The following CNTNAP2 variants were observed in gnomAD, a reference collection of about 807,000 sequenced individuals.
CNTNAP2 encodes the protein contactin associated protein 2, also known as contactin-associated protein-like 2.
A neutral mutation model predicts 155.2 loss-of-function variants in CNTNAP2; 98 were observed. The ratio of observed to expected loss-of-function variants is 0.63; its 90% CI spans 0.54 to 0.75. The LOEUF (loss-of-function observed/expected upper bound fraction) is 0.75, where lower values mean the gene tolerates loss of function less well. Among genes scored for constraint, CNTNAP2 ranks in the 30% least tolerant of loss-of-function variants. The pLI is 0.00. For synonymous variants in CNTNAP2, 651 were observed against 631.2 expected, an observed-to-expected ratio of 1.03 and a Z score of -0.47; for missense variants, 1,727 against 1,688.1, an observed-to-expected ratio of 1.02 and a Z score of -0.40.
At chr7:147,627,229 A>G (rs1794997298) in intron 12 of CNTNAP2, among the ~76,000 whole-genome samples, 2 of 152,178 alleles carry the variant, frequency 1.3e-5, no homozygotes, top group South Asian at 4.1e-4. Context: ...GGAACCAGAA[A>G]AGTAATTCTG....
At chr7:146,589,246 G>T (rs1400343294) in intron 1 of CNTNAP2, among the ~76,000 whole-genome samples, 1 of 151,984 alleles carries the variant, frequency 6.6e-6, no homozygotes, top group East Asian at 1.9e-4. Flanking sequence ...AAAAAACAAG[G>T]TATACTAAAA....
intron 10 of CNTNAP2, among the ~76,000 whole-genome samples, chr7:147,448,241 A>G (rs997812799): frequency 2.0e-5 from 3 of 152,116 alleles, no homozygotes; most frequent in African/African-American, 7.2e-5. Flanking sequence ...TTTAATCTTA[A>G]AAACACAATG....
Position 147,208,268 on chromosome 7 carries a change from G to A in CNTNAP2, c.1348+75759G>A, listed in dbSNP as rs529773960. 1.1e-3 allele frequency among the ~76,000 whole-genome samples: 163 copies of A among 152,080 alleles called. 1 individual carries two copies. The highest frequency in any genetic ancestry group is 3.6e-3 in the African/African-American group (149 of 41,500). ...TACTCAGCCACTCTGTCTTCTATTA[G>A]TTCTGTTTTGCCTCAGGTTTCCTAA... On this transcript the variant is annotated intron_variant, in intron 8 of 23. Coordinates refer to ENST00000361727, the MANE Select transcript of CNTNAP2 (RefSeq NM_014141.6).
chr7:147,360,715 T>C (rs1371096820), intron 9 of CNTNAP2, among the ~76,000 whole-genome samples: 1 of 152,134 alleles, frequency 6.6e-6, no homozygotes, highest in Non-Finnish European at 1.5e-5. Flanking sequence ...TATGTGTTCA[T>C]GGATATTTAT....
chr7:147,320,765 T>C (rs1795337058), intron 9 of CNTNAP2, among the ~76,000 whole-genome samples: 1 of 152,218 alleles, frequency 6.6e-6, no homozygotes, highest in Non-Finnish European at 1.5e-5. Flanking sequence ...CCAGTGCCTT[T>C]TGTGACCCAA....
intron 21 of CNTNAP2, among the ~76,000 whole-genome samples, chr7:148,381,072 A>G (rs1255807143): frequency 1.3e-5 from 2 of 152,236 alleles, no homozygotes; most frequent in East Asian, 3.9e-4. Flanking sequence ...GAGTGGGTGC[A>G]GGAGCCAGGG....
At chr7:146,470,758 C>T (rs2129126565) in intron 1 of CNTNAP2, among the ~76,000 whole-genome samples, 1 of 152,078 alleles carries the variant, frequency 6.6e-6, no homozygotes, top group South Asian at 2.1e-4. Flanking sequence ...TTAGTAGATA[C>T]AGGGTTTCAC....
chr7:146,975,201 A>G (rs540543113), intron 3 of CNTNAP2, among the ~76,000 whole-genome samples: 5 of 152,164 alleles, frequency 3.3e-5, no homozygotes, highest in Non-Finnish European at 5.9e-5. Flanking sequence ...GCGTTGGCTC[A>G]TGCCTGTAAT....
chr7:146,863,039 C>A lies in CNTNAP2; in HGVS notation c.402+23135C>A, dbSNP rs555820945. On this transcript the variant is annotated intron_variant, in intron 3 of 23. Transcript: ENST00000361727. ...CTCAGATACAGAAATAATGAGTGAT[C>A]TTATTAATTTGGGACCTGTCTAATG... 3.7e-4 allele frequency among the ~76,000 whole-genome samples: 57 copies of A among 152,150 alleles called. 1 individual carries two copies. In the South Asian group the frequency reaches 0.011, roughly 30 times the overall value.
At chr7:146,905,919 G>A (rs1223206128) in intron 3 of CNTNAP2, among the ~76,000 whole-genome samples, 1 of 152,174 alleles carries the variant, frequency 6.6e-6, no homozygotes, top group African/African-American at 2.4e-5. Context: ...GCCAGACAGT[G>A]GGCGCAGGCC....
chr7:148,163,329 T>A (rs960967617), intron 17 of CNTNAP2, among the ~76,000 whole-genome samples: 5 of 152,220 alleles, frequency 3.3e-5, no homozygotes, highest in African/African-American at 1.2e-4. Flanking sequence ...AGTAAAGTTC[T>A]GGAATAGTGC....
chr7:148,139,376 G>A (rs118016641), intron 16 of CNTNAP2, among the ~76,000 whole-genome samples: 3,388 of 152,256 alleles, frequency 0.022, 49 homozygotes, highest in Middle Eastern at 0.051. Context: ...AGGCAATACA[G>A]TAGTTAGGAA....
chr7:146,807,204 C>T (rs767700289), intron 2 of CNTNAP2, among the ~76,000 whole-genome samples: 8 of 151,916 alleles, frequency 5.3e-5, no homozygotes, highest in East Asian at 3.9e-4. Flanking sequence ...AGTATTTTAG[C>T]GTATTTTTAA....
intron 13 of CNTNAP2, among the ~76,000 whole-genome samples, chr7:147,810,936 A>C (rs1342329667): frequency 6.6e-6 from 1 of 152,184 alleles, no homozygotes; most frequent in Non-Finnish European, 1.5e-5. Flanking sequence ...GCAGAATAAA[A>C]GAGTCAGACT....
At chr7:146,359,852 T>C (rs1447864443) in intron 1 of CNTNAP2, among the ~76,000 whole-genome samples, 3 of 152,144 alleles carry the variant, frequency 2.0e-5, no homozygotes, top group Admixed American at 2.0e-4. Flanking sequence ...GCAGCAGCAA[T>C]AGAAGTTGTG....
chr7:146,230,107 T>TA (rs1372059374), intron 1 of CNTNAP2, among the ~76,000 whole-genome samples: 1 of 152,170 alleles, frequency 6.6e-6, no homozygotes, highest in Non-Finnish European at 1.5e-5. Context: ...TTTGATCTAA[T>TA]AAAAAATTGT....
At chr7:147,681,794 CAA>C (rs1491581363) in intron 13 of CNTNAP2, among the ~76,000 whole-genome samples, 7 of 151,012 alleles carry the variant, frequency 4.6e-5, no homozygotes, top group African/African-American at 7.3e-5. Flanking sequence ...CAGTATTTTG[CAA>C]GAGAGAGAGA....
chr7:147,006,899 A>C (rs1024574606), intron 3 of CNTNAP2, among the ~76,000 whole-genome samples: 14 of 152,090 alleles, frequency 9.2e-5, no homozygotes. Flanking sequence ...TATTTAAAGG[A>C]AAAAGTACAT....
intron 3 of CNTNAP2, among the ~76,000 whole-genome samples, chr7:146,843,481 A>G (rs1238033922): frequency 1.3e-5 from 2 of 152,040 alleles, no homozygotes; most frequent in Non-Finnish European, 2.9e-5. Flanking sequence ...GACCCAAACC[A>G]TATCAGAGAC....
Sources: allele counts gnomAD v4.1 joint callset (sites outside exome capture counted in the v4.1 genomes callset), GRCh38; gene constraint gnomAD v4.1.1; transcripts MANE v1.5; gene names NCBI Gene and HGNC (gene_info 2026-07-23, HGNC 2026-07-21).